Variants in SMC1B observed in about 807,000 individuals in gnomAD.
SMC1B encodes the protein structural maintenance of chromosomes protein 1B.
In SMC1B, 60 loss-of-function variants were observed where a neutral mutation model predicts 157.9. The observed-to-expected ratio is 0.38, with a 90% CI of 0.31 to 0.47. The LOEUF is 0.47. Ranked by LOEUF, SMC1B falls within the 20% of genes least tolerant of loss-of-function variation. The pLI, the probability that SMC1B is intolerant of heterozygous loss-of-function variation, is 0.99. For missense variants in SMC1B, 1,165 were observed against 1,426.2 expected (o/e 0.82, Z 2.95); for synonymous variants, 445 against 483.0 (o/e 0.92, Z 1.03).
intron 23 of SMC1B, among the ~76,000 whole-genome samples, chr22:45,347,288 C>CT (rs1314811772): frequency 2.0e-5 from 3 of 152,088 alleles, no homozygotes; most frequent in Non-Finnish European, 4.4e-5. Context: ...CTGGCAGAGA[C>CT]TTTTTGGGGG....
At chr22:45,347,468 C>G (rs911315116) in intron 23 of SMC1B, among the ~76,000 whole-genome samples, 1 of 152,180 alleles carries the variant, frequency 6.6e-6, no homozygotes, top group Non-Finnish European at 1.5e-5. Context: ...TGAGACTCAA[C>G]AGAGTAAGCA....
chr22:45,395,324 T>C (rs1215736564), intron 7 of SMC1B, among the ~76,000 whole-genome samples: 1 of 152,200 alleles, frequency 6.6e-6, no homozygotes. Flanking sequence ...ATTCACTTTA[T>C]CATTAAATCC....
At position 45,361,800 on chromosome 22, in the gene SMC1B, C is replaced by T. The variant is rs751713881; in HGVS notation, c.2708+39G>A. The T allele has an allele frequency of 3.1e-6, 5 of 1,590,706 alleles. No individual in the cohort carries two copies. The South Asian group carries it at 3.4e-5, about 11-fold the overall frequency. Reference sequence around the variant, plus strand: ...AGATAGTTGGTGTCCATGTTTAAAACTCTGACTAGGTCTTTCAAACTGATG... The same window carrying T: ...AGATAGTTGGTGTCCATGTTTAAAATTCTGACTAGGTCTTTCAAACTGATG... On this transcript the variant is annotated intron_variant, in intron 17 of 24. Coordinates refer to ENST00000357450, the MANE Select transcript of SMC1B (RefSeq NM_148674.5).
intron 1 of SMC1B, among the ~76,000 whole-genome samples, chr22:45,409,765 G>C (rs1435729031): frequency 6.6e-6 from 1 of 152,148 alleles, no homozygotes; most frequent in Admixed American, 6.6e-5. Flanking sequence ...CAGGGATTTG[G>C]ATTTGGATGT....
At chr22:45,383,727 G>A (rs1359496350) in intron 11 of SMC1B, 114 bp from the exon 12 acceptor site, 7 of 799,752 alleles carry the variant, frequency 8.8e-6, no homozygotes, top group Non-Finnish European at 1.3e-5. Flanking sequence ...GCCACTTACT[G>A]AACTTTACTA....
intron 12 of SMC1B, among the ~76,000 whole-genome samples, chr22:45,377,400 A>T (rs759777726): frequency 3.9e-5 from 6 of 152,258 alleles, no homozygotes; most frequent in Admixed American, 6.5e-5. Flanking sequence ...GCACTTTGGG[A>T]GGCCAAGGCA....
At chr22:45,347,086 C>A (rs1187365357) in intron 23 of SMC1B, among the ~76,000 whole-genome samples, 2 of 152,180 alleles carry the variant, frequency 1.3e-5, no homozygotes, top group Non-Finnish European at 2.9e-5. Flanking sequence ...ATATAAAGTG[C>A]CAAAATTCTC....
intron 14 of SMC1B, among the ~76,000 whole-genome samples, 195 bp downstream of exon 14, chr22:45,371,276 G>A (rs1321660844): frequency 6.6e-6 from 1 of 152,172 alleles, no homozygotes; most frequent in African/African-American, 2.4e-5. Context: ...TGTCTCTTGA[G>A]GTGAGCAACA....
intron 1 of SMC1B, 35 bp downstream of exon 1, chr22:45,413,424 A>T (rs1489587710): frequency 1.3e-6 from 2 of 1,521,626 alleles, no homozygotes; most frequent in Non-Finnish European, 1.8e-6. Context: ...GGGACGGCGG[A>T]GGCGCTCCGG....
At chr22:45,412,804 A>G (rs1433183480) in intron 1 of SMC1B, among the ~76,000 whole-genome samples, 1 of 152,158 alleles carries the variant, frequency 6.6e-6, no homozygotes, top group African/African-American at 2.4e-5. Context: ...GAACTTAGGA[A>G]AAGCTCAGTA....
intron 11 of SMC1B, among the ~76,000 whole-genome samples, chr22:45,385,003 A>T (rs2086976169): frequency 6.6e-6 from 1 of 152,168 alleles, no homozygotes; most frequent in Admixed American, 6.5e-5. Context: ...ACCATATTAA[A>T]AGGGCACAGT....
chr22:45,345,603 AG>A lies in SMC1B; in HGVS notation c.3496-35del, dbSNP rs757341596. The A allele has an allele frequency of 7.5e-6, 10 of 1,330,928 alleles. No individual in the cohort carries two copies. In the South Asian group the frequency reaches 1.2e-4, roughly 16 times the overall value. 82.4% of individuals were successfully genotyped at this position (1,330,928 alleles called of 1,614,324 possible). A position where few individuals can be genotyped will look rare whatever the true frequency, so the allele number is the denominator to read the frequency against. On this transcript the variant is annotated intron_variant, in intron 23 of 24. Transcript: ENST00000357450. ...AATAAAAACACACATTTCACTAGGA[AG>A]GAAAGGCCTTGTCTGGGCTCTGGAG...
intron 8 of SMC1B, among the ~76,000 whole-genome samples, chr22:45,394,075 A>G (rs879650167): frequency 7.2e-5 from 11 of 152,120 alleles, no homozygotes; most frequent in Non-Finnish European, 1.5e-4. Flanking sequence ...TAATCCCAGT[A>G]CTTTGAGAGG....
chr22:45,355,435 A>G (rs2146766943), intron 19 of SMC1B, among the ~76,000 whole-genome samples: 1 of 152,346 alleles, frequency 6.6e-6, no homozygotes, highest in African/African-American at 2.4e-5. Flanking sequence ...GATGGAAGCT[A>G]TTCAGTCTTT....
chr22:45,393,083 T>C (rs1258941307), intron 9 of SMC1B, among the ~76,000 whole-genome samples: 1 of 152,114 alleles, frequency 6.6e-6, no homozygotes, highest in African/African-American at 2.4e-5. Flanking sequence ...CTGCACAGTA[T>C]ACACTGATGT....
intron 1 of SMC1B, among the ~76,000 whole-genome samples, chr22:45,410,893 C>T (rs1397065526): frequency 2.0e-5 from 3 of 152,030 alleles, no homozygotes; most frequent in East Asian, 3.8e-4. Context: ...AGGTATGAAA[C>T]GGCTTTTTTG....
At chr22:45,389,281 C>T (rs1384686654) in intron 10 of SMC1B, among the ~76,000 whole-genome samples, 1 of 152,192 alleles carries the variant, frequency 6.6e-6, no homozygotes, top group Non-Finnish European at 1.5e-5. Context: ...TATCTCAATA[C>T]ATACCTCAAG....
chr22:45,349,137 C>A (rs974719957), intron 23 of SMC1B, among the ~76,000 whole-genome samples: 48 of 151,480 alleles, frequency 3.2e-4, no homozygotes, highest in African/African-American at 1.1e-3. Context: ...GCCTCAGCCT[C>A]CCAAGTAGCT....
At chr22:45,366,897 T>C (rs774925152) in intron 15 of SMC1B, among the ~76,000 whole-genome samples, 3 of 152,190 alleles carry the variant, frequency 2.0e-5, no homozygotes, top group Non-Finnish European at 4.4e-5. Flanking sequence ...TACTGATTCT[T>C]TCCTCTGCTT....
Sources: gnomAD v4.1 joint callset for allele counts (sites outside exome capture counted in the v4.1 genomes callset) on GRCh38, gnomAD v4.1.1 for gene constraint, MANE v1.5 for transcripts, NCBI Gene and HGNC (gene_info 2026-07-23, HGNC 2026-07-21) for gene names.